Variants in CACNB4 observed in about 807,000 individuals in gnomAD.
The protein encoded by CACNB4 is calcium voltage-gated channel auxiliary subunit beta 4.
Under a neutral mutation model 71.2 loss-of-function variants are expected in CACNB4, and 32 were observed. That is an observed-to-expected ratio of 0.45 (90% CI 0.34 to 0.60). The LOEUF is 0.60. Among genes scored for constraint, CACNB4 ranks in the 20% least tolerant of loss-of-function variants. CACNB4 has a pLI of 0.01. For missense variants in CACNB4, 464 were observed against 647.9 expected, an observed-to-expected ratio of 0.72 and a Z score of 3.08; for synonymous variants, 231 against 236.9, an observed-to-expected ratio of 0.97 and a Z score of 0.23.
intron 2 of CACNB4, among the ~76,000 whole-genome samples, chr2:151,946,206 G>A (rs1166283061): frequency 6.6e-6 from 1 of 152,058 alleles, no homozygotes; most frequent in Non-Finnish European, 1.5e-5. Flanking sequence ...GTGGGTGGCT[G>A]TAATCCCAGC....
At chr2:151,841,309 A>C (rs962627762) in intron 13 of CACNB4, among the ~76,000 whole-genome samples, 1 of 152,216 alleles carries the variant, frequency 6.6e-6, no homozygotes, top group African/African-American at 2.4e-5. Context: ...GTGGTGGCTC[A>C]TGATGGTAAT....
At chr2:152,004,647 G>A (rs1178709108) in intron 2 of CACNB4, among the ~76,000 whole-genome samples, 1 of 152,082 alleles carries the variant, frequency 6.6e-6, no homozygotes, top group Admixed American at 6.6e-5. Flanking sequence ...GCAGGAAGGA[G>A]TTGACTTATG....
intron 2 of CACNB4, among the ~76,000 whole-genome samples, chr2:152,021,037 G>A (rs1033097799): frequency 6.6e-5 from 10 of 152,128 alleles, no homozygotes; most frequent in African/African-American, 2.4e-4. Context: ...TGGATCACGA[G>A]GTCAGGAGAT....
Position 151,842,092 on chromosome 2 carries a change from T to C in CACNB4, c.1117-4A>G. On this transcript the variant is annotated splice_polypyrimidine_tract_variant and splice_region_variant and intron_variant, in intron 12 of 13. Transcript: ENST00000539935. Reference sequence around the variant, plus strand: ...CCAATATAACATCAAACATTTCCTGTAGATGACAAGAAAATCCACTTTACT... The same window carrying C: ...CCAATATAACATCAAACATTTCCTGCAGATGACAAGAAAATCCACTTTACT... 1 of 1,612,972 alleles carries C rather than the reference T, an allele frequency of 6.2e-7. No individual in the cohort carries two copies. Among genetic ancestry groups the C allele is most frequent in the Non-Finnish European group, 8.5e-7 (1 of 1,179,188 alleles).
intron 2 of CACNB4, among the ~76,000 whole-genome samples, chr2:152,068,920 T>C (rs918667024): frequency 2.0e-5 from 3 of 152,206 alleles, no homozygotes; most frequent in Non-Finnish European, 2.9e-5. Flanking sequence ...CCTACCCCTC[T>C]AGCCACTGGC....
At chr2:151,958,091 G>T (rs1465462563) in intron 2 of CACNB4, among the ~76,000 whole-genome samples, 1 of 152,068 alleles carries the variant, frequency 6.6e-6, no homozygotes, top group African/African-American at 2.4e-5. Flanking sequence ...ATTTGACTAG[G>T]GACCTGTTTT....
Position 151,927,886 on chromosome 2 carries a change from C to T in CACNB4, c.148-44516G>A, listed in dbSNP as rs150886585. Among the ~76,000 whole-genome samples the T allele has an allele frequency of 2.8e-4, 43 of 152,346 alleles. No homozygotes were observed. The East Asian group carries it at 6.7e-3, about 24-fold the overall frequency. On this transcript the variant is annotated intron_variant, in intron 2 of 13. Coordinates refer to ENST00000539935, the MANE Select transcript of CACNB4 (RefSeq NM_000726.5). ...CAGACAGATTTATTTCTGCTTTCTG[C>T]TTTTCCCCTCACTCCTTCTTTCTTG... is the stretch of plus-strand genomic sequence containing the variant.
chr2:152,025,213 C>T (rs557661038), intron 2 of CACNB4, among the ~76,000 whole-genome samples: 2 of 152,292 alleles, frequency 1.3e-5, no homozygotes, highest in African/African-American at 4.8e-5. Flanking sequence ...CCTACACTAC[C>T]TCTGAAACCT....
intron 12 of CACNB4, among the ~76,000 whole-genome samples, chr2:151,847,844 C>G (rs2099838001): frequency 6.6e-6 from 1 of 152,176 alleles, no homozygotes; most frequent in South Asian, 2.1e-4. Flanking sequence ...TCCGATCGCG[C>G]CACTGCACTC....
intron 2 of CACNB4, among the ~76,000 whole-genome samples, chr2:152,056,126 G>A (rs898959427): frequency 2.0e-5 from 3 of 152,138 alleles, no homozygotes; most frequent in Admixed American, 6.5e-5. Context: ...ACTTTAGGAG[G>A]CCAAGGCAGA....
In CACNB4 at chr2:151,835,685, A is replaced by G. The variant is rs2099834748; in HGVS notation, c.*3434T>C. The G allele has an allele frequency of 6.6e-6, 1 of 151,904 alleles. No individual in the cohort carries two copies. Among genetic ancestry groups the G allele is most frequent in the Non-Finnish European group, 1.5e-5 (1 of 67,774 alleles). The allele number at this position is 151,904 out of a possible 1,614,324, so 9.4% of individuals were successfully genotyped here. On this transcript the variant is annotated 3_prime_UTR_variant, in exon 14 of 14. Transcript: ENST00000539935. ...TTAAATTTGCAAACCATCTTTTAGC[A>G]TAATTTCCTTTTCTTACTTCCTTTC...
chr2:152,056,099 A>C (rs539317470), intron 2 of CACNB4, among the ~76,000 whole-genome samples: 27 of 152,244 alleles, frequency 1.8e-4, no homozygotes, highest in African/African-American at 6.5e-4. Flanking sequence ...ACGGTGGCTC[A>C]CCCCTGTAAT....
intron 2 of CACNB4, among the ~76,000 whole-genome samples, chr2:151,987,329 G>A (rs1315888001): frequency 6.6e-6 from 1 of 152,050 alleles, no homozygotes; most frequent in Non-Finnish European, 1.5e-5. Context: ...CTCAGTGGGG[G>A]GCAGCACTAC....
At chr2:151,858,267 T>C (rs2099840777) in intron 10 of CACNB4, 1 of 152,132 alleles carries the variant, frequency 6.6e-6, no homozygotes, top group African/African-American at 2.4e-5. Flanking sequence ...GGCCCACCTC[T>C]CTCCAGGATC....
At chr2:152,066,401 T>C (rs553165496) in intron 2 of CACNB4, among the ~76,000 whole-genome samples, 11 of 152,216 alleles carry the variant, frequency 7.2e-5, no homozygotes, top group East Asian at 3.9e-4. Flanking sequence ...AAATGCTCAC[T>C]ATCACTGGCC....
intron 2 of CACNB4, among the ~76,000 whole-genome samples, chr2:151,928,988 C>T (rs1424099728): frequency 6.6e-6 from 1 of 151,932 alleles, no homozygotes; most frequent in Admixed American, 6.5e-5. Flanking sequence ...TAGTTCTTCA[C>T]TTTCTGCCTC....
intron 2 of CACNB4, among the ~76,000 whole-genome samples, chr2:151,884,736 C>G (rs1344681683): frequency 6.6e-6 from 1 of 152,052 alleles, no homozygotes; most frequent in Non-Finnish European, 1.5e-5. Flanking sequence ...CGCAAAAAAC[C>G]CTGGAGGTTT....
At chr2:152,031,425 T>C (rs1684278478) in intron 2 of CACNB4, among the ~76,000 whole-genome samples, 1 of 152,218 alleles carries the variant, frequency 6.6e-6, no homozygotes, top group South Asian at 2.1e-4. Context: ...AACATGGGAC[T>C]CTGAGGATGA....
At chr2:152,031,418 A>G (rs1684277900) in intron 2 of CACNB4, among the ~76,000 whole-genome samples, 1 of 152,222 alleles carries the variant, frequency 6.6e-6, no homozygotes. Flanking sequence ...AACTGGAAAC[A>G]TGGGACTCTG....
Sources: allele counts gnomAD v4.1 joint callset (sites outside exome capture counted in the v4.1 genomes callset), GRCh38; gene constraint gnomAD v4.1.1; transcripts MANE v1.5; gene names NCBI Gene and HGNC (gene_info 2026-07-23, HGNC 2026-07-21).